NUCB2: variants seen among roughly 807,000 people sequenced by gnomAD.
NUCB2 encodes nucleobindin 2, also known as nucleobindin-2.
A neutral mutation model predicts 57.9 loss-of-function variants in NUCB2; 48 were observed. That is an observed-to-expected ratio of 0.83 (90% CI 0.66 to 1.05). The LOEUF is 1.05. Ranked by LOEUF, NUCB2 falls within the 50% of genes least tolerant of loss-of-function variation. The pLI, the probability that NUCB2 is intolerant of heterozygous loss-of-function variation, is 0.00. For missense variants in NUCB2, 442 were observed against 476.2 expected, an observed-to-expected ratio of 0.93 and a Z score of 0.67; for synonymous variants, 139 against 152.1, an observed-to-expected ratio of 0.91 and a Z score of 0.64.
intron 4 of NUCB2, 43 bp downstream of exon 4, chr11:17,296,254 T>A: frequency 7.8e-7 from 1 of 1,285,014 alleles, no homozygotes; most frequent in Non-Finnish European, 1.1e-6. Context: ...TATCTTAATT[T>A]AAAATTTTTT....
intron 6 of NUCB2, among the ~76,000 whole-genome samples, chr11:17,310,238 T>TC (rs1369237821): frequency 3.3e-5 from 3 of 90,216 alleles, no homozygotes; most frequent in Admixed American, 1.2e-4. Context: ...TTCTTCTTCT[T>TC]TTTTTTTTTT....
rs772304067 is a variant in NUCB2, at chr11:17,312,094, A to C, written c.886A>C (p.Arg296=). The change falls in exon 10 of 14, where the codon AGA becomes CGA. Residue 296 remains arginine, a synonymous_variant. Coordinates refer to ENST00000529010, the MANE Select transcript of NUCB2 (RefSeq NM_005013.4). ...DMVEMEEERL[R]MREHVMNEVD... ...GGTAGAAATGGAAGAAGAAAGGCTT[A>C]GAATGAGGGAACATGTAATGAATGA... The C allele has an allele frequency of 6.4e-7, 1 of 1,561,032 alleles. No individual in the cohort carries two copies. Among genetic ancestry groups the C allele is most frequent in the South Asian group, 1.2e-5 (1 of 86,356 alleles).
At chr11:17,282,426 T>C (rs996856905) in intron 1 of NUCB2, among the ~76,000 whole-genome samples, 1 of 151,758 alleles carries the variant, frequency 6.6e-6, no homozygotes, top group Admixed American at 6.6e-5. Context: ...GCCCGGCTAA[T>C]TTTTGTATTT....
chr11:17,333,929 G>A (rs771516150), downstream of NUCB2: 3 of 152,158 alleles, frequency 2.0e-5, no homozygotes, highest in Admixed American at 6.6e-5. Flanking sequence ...CATATCTCTT[G>A]TAGGGCTTTG....
At chr11:17,282,238 A>ATCTATCTATC (rs35737787) in intron 1 of NUCB2, among the ~76,000 whole-genome samples, 1,623 of 115,500 alleles carry the variant, frequency 0.014, 13 homozygotes, top group Middle Eastern at 0.017. Context: ...CTATCTATCT[A>ATCTATCTATC]TATATATATA....
chr11:17,348,319 G>GTTTTTTTTTTTTTTTTTTT (rs55741571), intron 2 of NUCB2, among the ~76,000 whole-genome samples: 1 of 84,470 alleles, frequency 1.2e-5, no homozygotes, highest in Non-Finnish European at 2.1e-5. Context: ...TTGTTTTTGT[G>GTTTTTTTTTTTTTTTTTTT]TTTTTTTTTT....
At chr11:17,281,224 C>T (rs930163442) in intron 1 of NUCB2, among the ~76,000 whole-genome samples, 2 of 151,968 alleles carry the variant, frequency 1.3e-5, no homozygotes, top group African/African-American at 4.8e-5. Flanking sequence ...TCAAGCAACC[C>T]TCCCATCTCA....
chr11:17,328,257 T>C (rs979247006), intron 11 of NUCB2, among the ~76,000 whole-genome samples: 5 of 152,246 alleles, frequency 3.3e-5, no homozygotes, highest in Non-Finnish European at 7.3e-5. Flanking sequence ...TCTCTCTCTC[T>C]GTGCTGAGCC....
At chr11:17,306,788 T>C (rs558635024) in intron 5 of NUCB2, among the ~76,000 whole-genome samples, 2 of 152,120 alleles carry the variant, frequency 1.3e-5, no homozygotes, top group South Asian at 2.1e-4. Flanking sequence ...TGTGGTGGCA[T>C]GTGCTGCTAG....
chr11:17,279,652 C>T (rs1402115067), intron 1 of NUCB2, among the ~76,000 whole-genome samples: 3 of 152,054 alleles, frequency 2.0e-5, no homozygotes, highest in African/African-American at 7.3e-5. Flanking sequence ...AAAGTGAAAT[C>T]GCAGATTAGG....
chr11:17,310,971 G>T lies in NUCB2; in HGVS notation c.630G>T (p.Met210Ile). The change falls in exon 7 of 14, where the codon ATG becomes ATT. Residue 210 changes from methionine (M) to isoleucine (I), a missense_variant. By Grantham distance (10) the Met-to-Ile change is conservative. Coordinates refer to ENST00000529010, the MANE Select transcript of NUCB2 (RefSeq NM_005013.4). ...RKEEESKFEEMKKKHENHPKV... is the reference protein window; with the variant it reads ...RKEEESKFEEIKKKHENHPKV... ...AAGAAGAGTCTAAATTTGAAGAAAT[G>T]AAGAAAAAGCATGAAAATCACCCTA... 1 of 1,582,530 alleles carries T rather than the reference G, an allele frequency of 6.3e-7. No individual in the cohort carries two copies. Among genetic ancestry groups the T allele is most frequent in the South Asian group, 1.2e-5 (1 of 84,006 alleles).
intron 2 of NUCB2, among the ~76,000 whole-genome samples, chr11:17,287,436 C>T (rs1943950650): frequency 6.6e-6 from 1 of 151,932 alleles, no homozygotes; most frequent in Non-Finnish European, 1.5e-5. Flanking sequence ...CTTTGGGAGG[C>T]TGAGGTGGGC....
intron 2 of NUCB2, among the ~76,000 whole-genome samples, chr11:17,284,004 A>G (rs1943178835): frequency 1.3e-5 from 2 of 152,088 alleles, no homozygotes; most frequent in Admixed American, 1.3e-4. Flanking sequence ...TTATTTAGCC[A>G]CACCAATATT....
chr11:17,324,239 T>G (rs959563026), intron 11 of NUCB2, among the ~76,000 whole-genome samples: 2 of 152,324 alleles, frequency 1.3e-5, no homozygotes, highest in South Asian at 2.1e-4. Flanking sequence ...CAGGTTTTGG[T>G]ATGTTGTATT....
At chr11:17,305,629 AATT>A (rs889916207) in intron 5 of NUCB2, among the ~76,000 whole-genome samples, 11 of 151,670 alleles carry the variant, frequency 7.3e-5, no homozygotes, top group Non-Finnish European at 1.5e-4. Flanking sequence ...TATTATTATT[AATT>A]TTTTTTTTTA....
At position 17,347,534 on chromosome 11, in the gene NUCB2, GAACA is replaced by G. The variant is rs1208100216; in HGVS notation, n.2627-1808_2627-1805del. Among the ~76,000 whole-genome samples the G allele has an allele frequency of 2.3e-4, 35 of 152,258 alleles. No individual in the cohort carries two copies. The East Asian group carries it at 6.8e-3, about 29-fold the overall frequency. ...CCCTAAATATGTGAGCATCTCTTAT[GAACA>G]AATATTTTTTTAATCATAACCATCA... On this transcript the variant is annotated intron_variant and non_coding_transcript_variant, in intron 2 of 2. Transcript: ENST00000532240.
intron 2 of NUCB2, among the ~76,000 whole-genome samples, chr11:17,345,430 T>C (rs571568683): frequency 4.6e-5 from 7 of 152,348 alleles, no homozygotes; most frequent in South Asian, 2.1e-4. Context: ...CCTTTTTGGC[T>C]GGGTGCGGTG....
chr11:17,301,904 T>TCTTTTTTC, intron 5 of NUCB2, 34 bp downstream of exon 5: 1 of 1,583,806 alleles, frequency 6.3e-7, no homozygotes, highest in Non-Finnish European at 8.6e-7. Flanking sequence ...ATTTTTTTTT[T>TCTTTTTTC]CTTTTTTCCT....
chr11:17,325,003 ATATTGGCCAGGCTGGTCTT>A (rs1950499539), intron 11 of NUCB2, among the ~76,000 whole-genome samples: 1 of 152,010 alleles, frequency 6.6e-6, no homozygotes, highest in South Asian at 2.1e-4. Context: ...GGGGTTTACC[ATATTGGCCAGGCTGGTCTT>A]GAACTCCTGA....
Sources: allele counts gnomAD v4.1 joint callset (sites outside exome capture counted in the v4.1 genomes callset), GRCh38; gene constraint gnomAD v4.1.1; transcripts MANE v1.5; gene names NCBI Gene and HGNC (gene_info 2026-07-23, HGNC 2026-07-21).